ATP6V0A4: variants seen among roughly 807,000 people sequenced by gnomAD.
The protein encoded by ATP6V0A4 is ATPase H+ transporting V0 subunit a4.
ATP6V0A4 carries 86 observed loss-of-function variants against 107.3 expected under a neutral mutation model. The ratio of observed to expected loss-of-function variants is 0.80; its 90% CI spans 0.67 to 0.96. The LOEUF (loss-of-function observed/expected upper bound fraction) is 0.96, where lower values mean the gene tolerates loss of function less well. Among genes scored for constraint, ATP6V0A4 ranks in the 40% least tolerant of loss-of-function variants. ATP6V0A4 has a pLI of 0.00. For synonymous variants in ATP6V0A4, 353 were observed against 381.4 expected (o/e 0.93, Z 0.87); for missense variants, 908 against 1,045.6 (o/e 0.87, Z 1.81).
intron 5 of ATP6V0A4, among the ~76,000 whole-genome samples, chr7:138,763,539 A>C (rs73166964): frequency 0.13 from 19,885 of 152,122 alleles, 1,559 homozygotes; most frequent in South Asian, 0.19. Context: ...GAGGCAGGAG[A>C]GTTATTTGAA....
chr7:138,765,339 C>T (rs1197394434), intron 5 of ATP6V0A4, among the ~76,000 whole-genome samples: 1 of 152,112 alleles, frequency 6.6e-6, no homozygotes, highest in Non-Finnish European at 1.5e-5. Context: ...AAAAGTAAAT[C>T]TTCATTTCCC....
intron 19 of ATP6V0A4, 143 bp downstream of exon 19, chr7:138,721,754 A>T: frequency 1.1e-6 from 1 of 890,268 alleles, no homozygotes; most frequent in South Asian, 1.6e-5. Context: ...CTTCCCTGAG[A>T]CCTTCACAGC....
chr7:138,755,151 C>T (rs1262257288), intron 10 of ATP6V0A4, among the ~76,000 whole-genome samples: 1 of 152,142 alleles, frequency 6.6e-6, no homozygotes, highest in African/African-American at 2.4e-5. Context: ...ACTTTCAAAG[C>T]TGCTGTGATT....
chr7:138,716,797 T>C (rs3778698), intron 19 of ATP6V0A4, among the ~76,000 whole-genome samples: 119,812 of 152,068 alleles, frequency 0.79, 47,393 homozygotes, highest in African/African-American at 0.86. Flanking sequence ...CTCCTGGCCT[T>C]AAGCAATCTG....
At chr7:138,731,226 C>T (rs777267876) in intron 17 of ATP6V0A4, among the ~76,000 whole-genome samples, 1 of 152,162 alleles carries the variant, frequency 6.6e-6, no homozygotes, top group Non-Finnish European at 1.5e-5. Context: ...TGAGCCACTA[C>T]GCCCAGCCTT....
chr7:138,771,396 G>T, intron 2 of ATP6V0A4, 132 bp from the exon 3 acceptor site: 2 of 1,045,112 alleles, frequency 1.9e-6, no homozygotes. Flanking sequence ...CTGATTTTAG[G>T]AGACTTTTTT....
chr7:138,747,366 A>G, intron 13 of ATP6V0A4, 59 bp downstream of exon 13: 1 of 1,569,556 alleles, frequency 6.4e-7, no homozygotes, highest in Non-Finnish European at 8.8e-7. Context: ...GGTGAAAACC[A>G]CATACAGATT....
chr7:138,724,986 T>C (rs182113149), intron 18 of ATP6V0A4, among the ~76,000 whole-genome samples: 202 of 152,264 alleles, frequency 1.3e-3, no homozygotes, highest in African/African-American at 4.7e-3. Flanking sequence ...TAAAAACACA[T>C]GTGGCTGGGC....
intron 21 of ATP6V0A4, among the ~76,000 whole-genome samples, chr7:138,708,690 C>T (rs570716696): frequency 6.6e-6 from 1 of 152,204 alleles, no homozygotes. Flanking sequence ...CGGTGAGCGT[C>T]TCCCTCCTGG....
chr7:138,789,896 G>A (rs933283907), intron 1 of ATP6V0A4, among the ~76,000 whole-genome samples: 21 of 151,274 alleles, frequency 1.4e-4, no homozygotes, highest in African/African-American at 5.1e-4. Context: ...TTGAACCCGG[G>A]AGGCAGATGT....
At chr7:138,769,574 C>G (rs189771630) in intron 3 of ATP6V0A4, among the ~76,000 whole-genome samples, 6 of 152,240 alleles carry the variant, frequency 3.9e-5, no homozygotes, top group Non-Finnish European at 8.8e-5. Flanking sequence ...CTCAGCCTCT[C>G]AAAGTGCTGG....
chr7:138,752,688 G>A lies in ATP6V0A4; in HGVS notation c.966C>T (p.Ile322=), dbSNP rs147296395. ...CTGCCACCGGGAACCAGATCTCGGCGATGACACACTGCTGGGTGACGTCGA... is the reference window on the plus strand; with the variant it reads ...CTGCCACCGGGAACCAGATCTCGGCAATGACACACTGCTGGGTGACGTCGA... ...CNIDVTQQCV[I]AEIWFPVADA... Residue 322 remains isoleucine, a synonymous_variant, in exon 11 of 22, where the codon ATC becomes ATT. Transcript: ENST00000310018. 67 of 1,614,000 alleles carry A rather than the reference G, an allele frequency of 4.2e-5. No individual in the cohort carries two copies. The highest frequency in any genetic ancestry group is 1.7e-4 in the Middle Eastern group (1 of 6,050).
chr7:138,794,789 T>C (rs1808579010), intron 1 of ATP6V0A4, among the ~76,000 whole-genome samples: 1 of 152,200 alleles, frequency 6.6e-6, no homozygotes, highest in African/African-American at 2.4e-5. Context: ...GTTGTAGACC[T>C]GCTACAAACA....
chr7:138,721,783 G>T, intron 19 of ATP6V0A4, 114 bp downstream of exon 19: 1 of 1,195,386 alleles, frequency 8.4e-7, no homozygotes, highest in Non-Finnish European at 1.2e-6. Context: ...ACTCAGCAGT[G>T]ACAGGGCTAC....
At chr7:138,709,208 C>CAAAAAAAAAAAAAAAAAAAAAAAAAAA (rs60144433) in intron 21 of ATP6V0A4, among the ~76,000 whole-genome samples, 1 of 49,334 alleles carries the variant, frequency 2.0e-5, no homozygotes, top group Non-Finnish European at 3.9e-5. Flanking sequence ...GAGCCTGTCT[C>CAAAAAAAAAAAAAAAAAAAAAAAAAAA]AAAAAAAAAA....
At chr7:138,784,245 TATATATAC>T (rs1563020814) in intron 2 of ATP6V0A4, among the ~76,000 whole-genome samples, 10 of 31,490 alleles carry the variant, frequency 3.2e-4, no homozygotes, top group African/African-American at 1.1e-3. Context: ...CGTATATATA[TATATATAC>T]ATATATATAT....
chr7:138,706,848 G>T (rs374114963), intron 21 of ATP6V0A4, 131 bp from the exon 22 acceptor site: 2 of 1,471,986 alleles, frequency 1.4e-6, no homozygotes, highest in African/African-American at 1.4e-5. Context: ...GGTTGGCCAC[G>T]GCAGGCACCC....
Position 138,762,881 on chromosome 7 carries a change from C to G in ATP6V0A4, c.417+19G>C. The G allele has an allele frequency of 1.9e-6, 3 of 1,613,614 alleles. No individual in the cohort carries two copies. Among genetic ancestry groups the G allele is most frequent in the Non-Finnish European group, 2.5e-6 (3 of 1,179,610 alleles). On this transcript the variant is annotated intron_variant, in intron 6 of 21. Transcript: ENST00000310018. The stretch of plus-strand genomic sequence containing the variant: ...TTCTGAGGAACGGGCCCTTTAGTAA[C>G]TCATCCCCACGTGACCACCTCAAAG...
chr7:138,745,766 C>G (rs543148898), intron 13 of ATP6V0A4, among the ~76,000 whole-genome samples: 7 of 146,698 alleles, frequency 4.8e-5, no homozygotes, highest in Admixed American at 1.4e-4. Flanking sequence ...CCAGCCTGAC[C>G]AACATGGTGA....
Sources: allele counts gnomAD v4.1 joint callset (sites outside exome capture counted in the v4.1 genomes callset), GRCh38; gene constraint gnomAD v4.1.1; transcripts MANE v1.5; gene names NCBI Gene and HGNC (gene_info 2026-07-23, HGNC 2026-07-21).